The following SMG5 variants were observed in gnomAD, a reference collection of about 807,000 sequenced individuals.
The protein encoded by SMG5 is nonsense-mediated mRNA decay factor SMG5.
SMG5 carries 53 observed loss-of-function variants against 122.9 expected under a neutral mutation model. That is an observed-to-expected ratio of 0.43 (90% CI 0.35 to 0.54). The LOEUF (loss-of-function observed/expected upper bound fraction) is 0.54, where lower values mean the gene tolerates loss of function less well. SMG5 is among the 20% of genes least tolerant of loss of function. The probability of loss-of-function intolerance (pLI) is 0.01; values close to 1 mark genes in which losing one functional copy is unlikely to be tolerated. For synonymous variants in SMG5, 477 were observed against 490.2 expected (o/e 0.97, Z 0.35); for missense variants, 1,153 against 1,285.6 (o/e 0.90, Z 1.58).
upstream of SMG5, among the ~76,000 whole-genome samples, chr1:156,284,764 G>A (rs1298513681): frequency 6.6e-6 from 1 of 152,128 alleles, no homozygotes; most frequent in Non-Finnish European, 1.5e-5. Flanking sequence ...CAGTGGAGAG[G>A]AAGCTTCTCT....
upstream of SMG5, among the ~76,000 whole-genome samples, chr1:156,287,371 G>A (rs1230187381): frequency 1.3e-5 from 2 of 152,000 alleles, no homozygotes; most frequent in Non-Finnish European, 2.9e-5. Context: ...AGCCAAGATC[G>A]CGCCATTGCA....
At chr1:156,261,526 T>C in intron 13 of SMG5, 118 bp from the exon 14 acceptor site, 1 of 780,020 alleles carries the variant, frequency 1.3e-6, no homozygotes, top group South Asian at 1.7e-5. Flanking sequence ...TGTGGGGGTT[T>C]GATTTTAAAA....
intron 4 of SMG5, among the ~76,000 whole-genome samples, chr1:156,275,917 C>T (rs1426596749): frequency 2.0e-5 from 3 of 151,486 alleles, no homozygotes; most frequent in South Asian, 2.1e-4. Context: ...TGGGCTTCAG[C>T]GATCCTCCTG....
rs1206003053 is a variant in SMG5 at position 156,273,390 on chromosome 1, T to C, written c.605A>G (p.Tyr202Cys). The C allele has an allele frequency of 6.2e-7, 1 of 1,613,956 alleles. No individual in the cohort carries two copies. Among genetic ancestry groups the C allele is most frequent in the South Asian group, 1.1e-5 (1 of 91,058 alleles). ...DTELLAERFY[Y>C]QALSVAPQIG... Reference sequence around the variant, plus strand: ...CTGAGGAGCTACTGACAGGGCTTGGTAGTAAAATCTCTCGGCTAGCAGCTC... The same window carrying C: ...CTGAGGAGCTACTGACAGGGCTTGGCAGTAAAATCTCTCGGCTAGCAGCTC... Residue 202 changes from tyrosine to cysteine, a missense_variant, in exon 6 of 22, where the codon TAC becomes TGC. Transcript: ENST00000361813.
intron 5 of SMG5, 114 bp downstream of exon 5, chr1:156,274,483 A>G: frequency 1.1e-6 from 1 of 924,148 alleles, no homozygotes. Context: ...AGTTATCAGA[A>G]GCCAAACTAT....
At chr1:156,285,366 T>A, upstream of SMG5, 1 of 1,579,976 alleles carries the variant, frequency 6.3e-7, no homozygotes, top group Non-Finnish European at 8.6e-7. Context: ...GCTGAGTCCC[T>A]CAGAGTGGGG....
At chr1:156,252,834 C>T in intron 18 of SMG5, 85 bp downstream of exon 18, 1 of 1,396,314 alleles carries the variant, frequency 7.2e-7, no homozygotes, top group Non-Finnish European at 9.5e-7. Context: ...TGCATATAAA[C>T]TGGGCCCCAA....
intron 10 of SMG5, among the ~76,000 whole-genome samples, chr1:156,267,135 T>C (rs1037742894): frequency 6.6e-6 from 1 of 152,196 alleles, no homozygotes; most frequent in Non-Finnish European, 1.5e-5. Context: ...GCTTCCAGAA[T>C]TGCCTAAATG....
In SMG5 at chr1:156,249,438, C is replaced by G. The variant is rs1661202794; in HGVS notation, c.*1149G>C. On this transcript the variant is annotated 3_prime_UTR_variant, in exon 22 of 22. Transcript: ENST00000361813. Reference sequence around the variant, plus strand: ...AGACCCTCCACCCCGAGCCCCTAGCCTGTGCTATCCTCCCAGCCTGAGGGG... The same window carrying G: ...AGACCCTCCACCCCGAGCCCCTAGCGTGTGCTATCCTCCCAGCCTGAGGGG... The G allele has an allele frequency of 3.0e-6, 1 of 333,388 alleles. No homozygotes were observed. The highest frequency in any genetic ancestry group is 5.9e-6 in the Non-Finnish European group (1 of 169,322). The allele number at this position is 333,388 out of a possible 1,614,324, so 20.7% of individuals were successfully genotyped here.
chr1:156,261,979 T>C (rs1661863015), intron 13 of SMG5, among the ~76,000 whole-genome samples: 1 of 151,634 alleles, frequency 6.6e-6, no homozygotes, highest in African/African-American at 2.4e-5. Flanking sequence ...GGAGGATTGC[T>C]TGAGCCCAGG....
intron 4 of SMG5, 129 bp from the exon 5 acceptor site, chr1:156,274,815 G>A: frequency 2.9e-6 from 2 of 699,460 alleles, no homozygotes; most frequent in Non-Finnish European, 5.0e-6. Flanking sequence ...TTTCAGGGCA[G>A]AGACACACTC....
chr1:156,251,191 G>A (rs1558230845), intron 20 of SMG5, 195 bp from the exon 21 acceptor site: 8 of 909,326 alleles, frequency 8.8e-6, no homozygotes, highest in East Asian at 5.0e-5. Flanking sequence ...CCTGAGCATC[G>A]CAAGGCCCAA....
At chr1:156,271,829 G>A (rs1404185589) in intron 7 of SMG5, among the ~76,000 whole-genome samples, 3 of 152,068 alleles carry the variant, frequency 2.0e-5, no homozygotes, top group Non-Finnish European at 2.9e-5. Flanking sequence ...CGAACCTCAG[G>A]TGATCTGCCT....
rs558139016 is a variant in SMG5 at position 156,255,074 on chromosome 1, G to GAGC, written c.2443-1569_2443-1567dup. On this transcript the variant is annotated intron_variant, in intron 16 of 21. Coordinates refer to ENST00000361813, the MANE Select transcript of SMG5 (RefSeq NM_015327.3). ...CCACTGTACTACAGCCTGGGTGACAGAGCAAGACTCCGTCTCAAAATAAAT... is the reference window on the plus strand; with the variant it reads ...CCACTGTACTACAGCCTGGGTGACAGAGCAGCAAGACTCCGTCTCAAAATAAAT... Among the ~76,000 whole-genome samples the GAGC allele has an allele frequency of 2.7e-4, 41 of 151,740 alleles. 1 individual carries two copies. The South Asian group carries it at 8.5e-3, about 31-fold the overall frequency.
intron 4 of SMG5, among the ~76,000 whole-genome samples, chr1:156,276,158 A>C (rs1572597888): frequency 1.6e-5 from 2 of 128,692 alleles, no homozygotes; most frequent in Admixed American, 8.5e-5. Context: ...ACAGAGTCTC[A>C]CTCTGTTACC....
At position 156,266,644 on chromosome 1, in the gene SMG5, G is replaced by A; in HGVS notation, c.1152C>T (p.Thr384=). ...SKQYSAAIAF[T]LALFSHLVNH... ...TGACGAGGTGGGAAAAGAGGGCCAG[G>A]GTGAAGGCAATGGCTGCACTGTACT... The change falls in exon 11 of 22, where the codon ACC becomes ACT. Residue 384 remains threonine (T), a synonymous_variant. Transcript: ENST00000361813. 6.2e-7 allele frequency: 1 copy of A among 1,614,136 alleles called. No individual in the cohort carries two copies. The highest frequency in any genetic ancestry group is 8.5e-7 in the Non-Finnish European group (1 of 1,180,036).
chr1:156,285,609 C>T (rs1287553667), upstream of SMG5: 1 of 1,614,234 alleles, frequency 6.2e-7, no homozygotes, highest in Non-Finnish European at 8.5e-7. Flanking sequence ...GCGGCCCGTG[C>T]CTTCGTGCCT....
chr1:156,263,128 A>G (rs994688133), intron 13 of SMG5, among the ~76,000 whole-genome samples: 2 of 152,370 alleles, frequency 1.3e-5, no homozygotes, highest in East Asian at 1.9e-4. Context: ...GGCATTACTC[A>G]TAATGGCAGG....
chr1:156,272,274 T>C lies in SMG5; in HGVS notation c.713+46A>G, dbSNP rs750657336. The C allele has an allele frequency of 4.6e-6, 7 of 1,523,190 alleles. No individual in the cohort carries two copies. In the East Asian group the frequency reaches 1.4e-4, roughly 31 times the overall value. The allele number at this position is 1,523,190 out of a possible 1,614,324, so 94.4% of individuals were successfully genotyped here. ...AAGACGGAAAACAAAGCCAAAATAA[T>C]ATGCACACAAAAGCAGGGCTGGAAA... On this transcript the variant is annotated intron_variant, in intron 7 of 21. Coordinates refer to ENST00000361813, the MANE Select transcript of SMG5 (RefSeq NM_015327.3).
Sources: gnomAD v4.1 joint callset for allele counts (sites outside exome capture counted in the v4.1 genomes callset) on GRCh38, gnomAD v4.1.1 for gene constraint, MANE v1.5 for transcripts, NCBI Gene and HGNC (gene_info 2026-07-23, HGNC 2026-07-21) for gene names.